NTM: variants seen among roughly 807,000 people sequenced by gnomAD.
The protein encoded by NTM is neurotrimin.
Under a neutral mutation model 42.1 loss-of-function variants are expected in NTM, and 13 were observed. The ratio of observed to expected loss-of-function variants is 0.31; its 90% CI spans 0.20 to 0.49. The LOEUF is 0.49. Ranked by LOEUF, NTM falls within the 20% of genes least tolerant of loss-of-function variation. The pLI is 0.99. For missense variants in NTM, 373 were observed against 452.8 expected (o/e 0.82, Z 1.60); for synonymous variants, 187 against 179.2 (o/e 1.04, Z -0.35).
chr11:132,213,879 C>A lies in NTM; in HGVS notation c.526+1732C>A, dbSNP rs1311938811. Among the ~76,000 whole-genome samples, 3 of 115,480 alleles carry A rather than the reference C, an allele frequency of 2.6e-5. 1 individual carries two copies. The highest frequency in any genetic ancestry group is 2.9e-4 in the South Asian group (1 of 3,478). The allele number at this position is 115,480 out of a possible 152,430, so 75.8% of individuals were successfully genotyped here. On this transcript the variant is annotated intron_variant, in intron 4 of 8. Coordinates refer to ENST00000683400, the MANE Select transcript of NTM (RefSeq NM_001352005.2). ...CCTCCCAAGTAGCTGGGACTACAGG[C>A]GCCCGCCACTACGCCCGGCTAATTT...
chr11:132,274,814 G>A (rs1591670958), intron 4 of NTM, among the ~76,000 whole-genome samples: 1 of 152,204 alleles, frequency 6.6e-6, no homozygotes, highest in Non-Finnish European at 1.5e-5. Flanking sequence ...AGCCAGTCCA[G>A]TGAGTGTTCA....
At chr11:131,545,080 T>G (rs2053754113) in intron 1 of NTM, among the ~76,000 whole-genome samples, 1 of 152,184 alleles carries the variant, frequency 6.6e-6, no homozygotes, top group Non-Finnish European at 1.5e-5. Context: ...TCAGGTAATA[T>G]TTTCTTTCTC....
intron 1 of NTM, among the ~76,000 whole-genome samples, chr11:131,693,098 G>A (rs967125304): frequency 2.0e-5 from 3 of 152,196 alleles, no homozygotes; most frequent in African/African-American, 7.2e-5. Flanking sequence ...GGGACTGGGA[G>A]TTTGGCCTTG....
intron 1 of NTM, among the ~76,000 whole-genome samples, chr11:131,851,299 G>C (rs1026347718): frequency 4.6e-5 from 7 of 152,096 alleles, no homozygotes; most frequent in Admixed American, 2.0e-4. Flanking sequence ...AAGGAGGCTT[G>C]GGAGGGTGTA....
intron 1 of NTM, among the ~76,000 whole-genome samples, chr11:131,789,686 G>T (rs1289177939): frequency 2.0e-5 from 3 of 150,416 alleles, no homozygotes; most frequent in African/African-American, 7.3e-5. Flanking sequence ...GCCGGGGGCG[G>T]TGGCTCTCGC....
chr11:132,164,517 A>C (rs2074949077), intron 3 of NTM, among the ~76,000 whole-genome samples: 1 of 152,190 alleles, frequency 6.6e-6, no homozygotes, highest in African/African-American at 2.4e-5. Flanking sequence ...GAACTCATTA[A>C]GGATGATGTG....
intron 3 of NTM, among the ~76,000 whole-genome samples, chr11:132,152,903 A>C (rs1025725576): frequency 6.6e-6 from 1 of 152,196 alleles, no homozygotes; most frequent in Non-Finnish European, 1.5e-5. Flanking sequence ...AGGGGTCCTC[A>C]TGTTCTCTAC....
intron 2 of NTM, among the ~76,000 whole-genome samples, chr11:132,072,947 G>T (rs1034296666): frequency 9.5e-4 from 145 of 152,274 alleles, no homozygotes; most frequent in Non-Finnish European, 1.1e-3. Context: ...CTCTTTGAAA[G>T]TTACTCTATG....
intron 1 of NTM, among the ~76,000 whole-genome samples, chr11:131,410,383 G>C (rs960567165): frequency 3.3e-5 from 5 of 151,944 alleles, no homozygotes; most frequent in African/African-American, 1.2e-4. Flanking sequence ...CCATTTAGGA[G>C]GCTGAGGTGG....
In NTM at chr11:132,055,435, A is replaced by G. The variant is rs78461742; in HGVS notation, c.168-90847A>G. Among the ~76,000 whole-genome samples, 25 of 152,250 alleles carry G rather than the reference A, an allele frequency of 1.6e-4. No homozygotes were observed. The East Asian group carries it at 3.9e-3, about 24-fold the overall frequency. ...ATAGTATGAGCCCATCAAATAAACA[A>G]ACACACCAACTTGCAAATGAATAGA... On this transcript the variant is annotated intron_variant, in intron 2 of 8. Transcript: ENST00000683400.
At chr11:131,437,395 C>T (rs988855097) in intron 1 of NTM, among the ~76,000 whole-genome samples, 1 of 152,080 alleles carries the variant, frequency 6.6e-6, no homozygotes, top group East Asian at 1.9e-4. Context: ...GTTAAAGTCT[C>T]CCATTATTGT....
chr11:131,494,572 G>C (rs1370854408), intron 1 of NTM, among the ~76,000 whole-genome samples: 6 of 152,222 alleles, frequency 3.9e-5, no homozygotes, highest in African/African-American at 1.4e-4. Context: ...AACTGGGACA[G>C]TCTGGGGCAA....
intron 8 of NTM, among the ~76,000 whole-genome samples, chr11:132,333,177 T>C (rs979975022): frequency 9.2e-5 from 14 of 152,196 alleles, no homozygotes; most frequent in African/African-American, 3.1e-4. Flanking sequence ...CTCACAGTGT[T>C]GAGGCAAAAC....
chr11:132,007,337 G>T (rs949442331), intron 2 of NTM, among the ~76,000 whole-genome samples: 1 of 152,124 alleles, frequency 6.6e-6, no homozygotes, highest in Admixed American at 6.5e-5. Flanking sequence ...TTCATCCCAG[G>T]ATCACTTAAG....
At chr11:131,889,688 T>C (rs976156801) in intron 1 of NTM, among the ~76,000 whole-genome samples, 3 of 151,814 alleles carry the variant, frequency 2.0e-5, no homozygotes, top group East Asian at 1.9e-4. Flanking sequence ...CACTTACAAA[T>C]AGAGAGAAAG....
At chr11:132,030,090 A>G (rs1421968909) in intron 2 of NTM, among the ~76,000 whole-genome samples, 1 of 152,148 alleles carries the variant, frequency 6.6e-6, no homozygotes, top group Admixed American at 6.5e-5. Flanking sequence ...TACTCAGGTC[A>G]TTATTGAAAA....
At chr11:131,726,964 C>T (rs1430113076) in intron 1 of NTM, among the ~76,000 whole-genome samples, 1 of 151,398 alleles carries the variant, frequency 6.6e-6, no homozygotes, top group Non-Finnish European at 1.5e-5. Context: ...ACTGGGATTA[C>T]AGGCGCAAGC....
intron 1 of NTM, among the ~76,000 whole-genome samples, chr11:131,819,272 G>A (rs1364924667): frequency 3.9e-5 from 6 of 152,132 alleles, no homozygotes; most frequent in Non-Finnish European, 8.8e-5. Context: ...GGACCCGAGG[G>A]AGCATGCCAC....
rs779775633 is a variant in NTM, at chr11:131,598,022, G to A, written c.82+227134G>A. 8.5e-4 allele frequency among the ~76,000 whole-genome samples: 130 copies of A among 152,288 alleles called. 1 individual carries two copies. Among genetic ancestry groups the A allele is most frequent in the African/African-American group, 2.7e-3 (114 of 41,582 alleles). ...GGAGCCACAGGCCTCCAGCCCTTAC[G>A]CTGGGATCCAATTGGCTCTGCTCCT... On this transcript the variant is annotated intron_variant, in intron 1 of 8. Coordinates refer to ENST00000683400, the MANE Select transcript of NTM (RefSeq NM_001352005.2).
Sources: gnomAD v4.1 joint callset for allele counts (sites outside exome capture counted in the v4.1 genomes callset) on GRCh38, gnomAD v4.1.1 for gene constraint, MANE v1.5 for transcripts, NCBI Gene and HGNC (gene_info 2026-07-23, HGNC 2026-07-21) for gene names.